The following MARCHF7 variants were observed in gnomAD, a reference collection of about 807,000 sequenced individuals.
MARCHF7 encodes membrane associated ring-CH-type finger 7.
A neutral mutation model predicts 76.5 loss-of-function variants in MARCHF7; 20 were observed. That is an observed-to-expected ratio of 0.26 (90% CI 0.18 to 0.38). MARCHF7 has a LOEUF of 0.38. Ranked by LOEUF, MARCHF7 falls within the 10% of genes least tolerant of loss-of-function variation. MARCHF7 has a pLI of 1.00. For missense variants in MARCHF7, 797 were observed against 812.9 expected (o/e 0.98, Z 0.24); for synonymous variants, 295 against 293.0 (o/e 1.01, Z -0.07).
At chr2:159,764,241 T>TGTGTGTGTGC (rs1707463551) in intron 10 of MARCHF7, among the ~76,000 whole-genome samples, 1 of 148,208 alleles carries the variant, frequency 6.7e-6, no homozygotes, top group South Asian at 2.1e-4. Flanking sequence ...TGTGTGTGTG[T>TGTGTGTGTGC]GTGTGTGTGT....
intron 4 of MARCHF7, among the ~76,000 whole-genome samples, chr2:159,739,511 T>C (rs537688342): frequency 6.6e-6 from 1 of 152,348 alleles, no homozygotes; most frequent in East Asian, 1.9e-4. Context: ...AAACTACTTG[T>C]TTAAGGATTC....
chr2:159,742,409 T>C (rs2125541630), intron 4 of MARCHF7, among the ~76,000 whole-genome samples: 1 of 152,212 alleles, frequency 6.6e-6, no homozygotes, highest in East Asian at 1.9e-4. Flanking sequence ...TGTCTACCTC[T>C]AAGAGGTGGA....
At chr2:159,739,853 G>A (rs1409364960) in intron 4 of MARCHF7, among the ~76,000 whole-genome samples, 1 of 152,064 alleles carries the variant, frequency 6.6e-6, no homozygotes, top group Non-Finnish European at 1.5e-5. Context: ...TTTTGTCTTG[G>A]ATATAGCCAT....
At position 159,768,153 on chromosome 2, in the gene MARCHF7, G is replaced by C. The variant is rs1331531437; in HGVS notation, c.*811G>C. 1 of 152,536 alleles carries C rather than the reference G, an allele frequency of 6.6e-6. No homozygotes were observed. The highest frequency in any genetic ancestry group is 1.5e-5 in the Non-Finnish European group (1 of 67,968). 9.4% of individuals were successfully genotyped at this position (152,536 alleles called of 1,614,324 possible). ...AATATTTTTAAATCCCACATTCAGA[G>C]TTTAAAACACTGGTTTTCAATGTGT... On this transcript the variant is annotated 3_prime_UTR_variant, in exon 12 of 12. Coordinates refer to ENST00000409175, the MANE Select transcript of MARCHF7 (RefSeq NM_001282805.2).
chr2:159,757,502 G>A (rs1304066075), intron 8 of MARCHF7, among the ~76,000 whole-genome samples: 1 of 152,174 alleles, frequency 6.6e-6, no homozygotes, highest in Non-Finnish European at 1.5e-5. Flanking sequence ...AAATATAGGA[G>A]TAGGCTGGCT....
chr2:159,752,646 A>AT, intron 8 of MARCHF7, 75 bp downstream of exon 8: 1 of 1,276,528 alleles, frequency 7.8e-7, no homozygotes, highest in South Asian at 2.1e-5. Context: ...TAACAAATTT[A>AT]TAGATTGTTG....
At chr2:159,726,663 T>C (rs548589366) in intron 3 of MARCHF7, among the ~76,000 whole-genome samples, 4 of 152,318 alleles carry the variant, frequency 2.6e-5, no homozygotes, top group African/African-American at 9.6e-5. Flanking sequence ...ACATAAAATT[T>C]TACCATCTTA....
intron 4 of MARCHF7, among the ~76,000 whole-genome samples, chr2:159,735,428 C>T (rs1045806753): frequency 2.6e-5 from 4 of 152,194 alleles, no homozygotes; most frequent in African/African-American, 9.7e-5. Flanking sequence ...CAGTAGTCTT[C>T]AGTATATTCA....
Position 159,745,913 on chromosome 2 carries a change from AGTG to A in MARCHF7, c.494_496del (p.Gly165del). 3.1e-6 allele frequency: 5 copies of A among 1,610,248 alleles called. No individual in the cohort carries two copies. The highest frequency in any genetic ancestry group is 4.2e-6 in the Non-Finnish European group (5 of 1,178,764). The stretch of plus-strand genomic sequence containing the variant: ...TAATCTTATGGATTATAGTCACCGA[AGTG>A]GTGATTTCACAACTTCATCATGTAT... On this transcript the variant is annotated inframe_deletion, in exon 6 of 12. Transcript: ENST00000409175.
chr2:159,716,521 G>A (rs372380061), intron 3 of MARCHF7, among the ~76,000 whole-genome samples: 5 of 152,088 alleles, frequency 3.3e-5, no homozygotes, highest in Admixed American at 6.5e-5. Context: ...ATGGTGGTGC[G>A]TGCCTGTAGT....
At chr2:159,743,742 A>T (rs1339184583) in intron 5 of MARCHF7, among the ~76,000 whole-genome samples, 1 of 130,248 alleles carries the variant, frequency 7.7e-6, no homozygotes, top group African/African-American at 2.9e-5. Flanking sequence ...TCTACCAAAA[A>T]AAAAAAAAGA....
At chr2:159,747,082 G>A (rs1040479663) in intron 6 of MARCHF7, among the ~76,000 whole-genome samples, 2 of 152,144 alleles carry the variant, frequency 1.3e-5, no homozygotes, top group Non-Finnish European at 2.9e-5. Context: ...TAGTTTCTTT[G>A]CAAAGGAATC....
At chr2:159,746,113 A>G (rs1215461662) in intron 6 of MARCHF7, among the ~76,000 whole-genome samples, 176 bp downstream of exon 6, 1 of 152,234 alleles carries the variant, frequency 6.6e-6, no homozygotes, top group Non-Finnish European at 1.5e-5. Flanking sequence ...AATTTAAAAT[A>G]CAGTCGATGA....
In MARCHF7 at chr2:159,748,279, T is replaced by A. The variant is rs747356824; in HGVS notation, c.989T>A (p.Val330Glu). ...ACAGCTTCACAGTCCCGTAGTAATG[T>A]ACCATCAGCTTCTGAAGTTCCCGAT... Reference protein sequence around the residue: ...ILTASQSRSNVPSASEVPDNR... With the variant: ...ILTASQSRSNEPSASEVPDNR... The change falls in exon 7 of 12, where the codon GTA becomes GAA. Residue 330 changes from valine (V) to glutamate (E), a missense_variant. By Grantham distance (121) the Val-to-Glu change is moderately radical (BLOSUM62 -2). Transcript: ENST00000409175. The A allele has an allele frequency of 3.1e-6, 5 of 1,613,490 alleles. No individual in the cohort carries two copies. The highest frequency in any genetic ancestry group is 3.3e-5 in the Admixed American group (2 of 59,938).
intron 3 of MARCHF7, among the ~76,000 whole-genome samples, chr2:159,716,313 A>G (rs1194548626): frequency 1.3e-5 from 2 of 151,998 alleles, no homozygotes; most frequent in Non-Finnish European, 1.5e-5. Flanking sequence ...TAAATAATGA[A>G]ATAGTAACTG....
At chr2:159,764,587 A>G (rs767796853) in intron 10 of MARCHF7, 39 bp from the exon 11 acceptor site, 3 of 1,490,834 alleles carry the variant, frequency 2.0e-6, no homozygotes, top group South Asian at 2.5e-5. Context: ...TCCATTTGCA[A>G]CATTTAAACT....
intron 4 of MARCHF7, among the ~76,000 whole-genome samples, chr2:159,731,442 T>C (rs2125422564): frequency 6.6e-6 from 1 of 152,322 alleles, no homozygotes; most frequent in East Asian, 1.9e-4. Flanking sequence ...AACTTGTTAA[T>C]GTTGTAGATT....
At chr2:159,741,528 C>A (rs1704126171) in intron 4 of MARCHF7, among the ~76,000 whole-genome samples, 1 of 152,126 alleles carries the variant, frequency 6.6e-6, no homozygotes, top group African/African-American at 2.4e-5. Context: ...ACTGTACTTA[C>A]TATTATAGTA....
chr2:159,766,850 G>A (rs1006154051), intron 11 of MARCHF7, among the ~76,000 whole-genome samples: 1 of 152,082 alleles, frequency 6.6e-6, no homozygotes, highest in Non-Finnish European at 1.5e-5. Context: ...CTTATTCTAT[G>A]TACACTTCTT....
Sources: allele counts gnomAD v4.1 joint callset (sites outside exome capture counted in the v4.1 genomes callset), GRCh38; gene constraint gnomAD v4.1.1; transcripts MANE v1.5; gene names NCBI Gene and HGNC (gene_info 2026-07-23, HGNC 2026-07-21).